The following RIN2 variants were observed in gnomAD, a reference collection of about 807,000 sequenced individuals.
RIN2 encodes Ras and Rab interactor 2, also known as RAB5 interacting protein 2.
Under a neutral mutation model 78.0 loss-of-function variants are expected in RIN2, and 36 were observed. The ratio of observed to expected loss-of-function variants is 0.46; its 90% confidence interval spans 0.35 to 0.61. The LOEUF (loss-of-function observed/expected upper bound fraction) is 0.61, where lower values mean the gene tolerates loss of function less well. Ranked by LOEUF, RIN2 falls within the 20% of genes least tolerant of loss-of-function variation. The pLI, the probability that RIN2 is intolerant of heterozygous loss-of-function variation, is 0.00. For synonymous variants in RIN2, 466 were observed against 466.8 expected (o/e 1.00, Z 0.02); for missense variants, 1,087 against 1,159.7 (o/e 0.94, Z 0.91).
intron 1 of RIN2, among the ~76,000 whole-genome samples, chr20:19,771,390 T>C (rs891708027): frequency 2.0e-5 from 3 of 152,232 alleles, no homozygotes; most frequent in Non-Finnish European, 4.4e-5. Flanking sequence ...ATATGTTTCA[T>C]AATATATCAC....
At chr20:19,941,698 A>G (rs1187013384) in intron 4 of RIN2, among the ~76,000 whole-genome samples, 1 of 152,178 alleles carries the variant, frequency 6.6e-6, no homozygotes. Context: ...CCAATCCCCT[A>G]GAATATTTCC....
At chr20:19,900,845 G>A (rs1373591785) in intron 3 of RIN2, among the ~76,000 whole-genome samples, 1 of 150,354 alleles carries the variant, frequency 6.7e-6, no homozygotes, top group East Asian at 2.0e-4. Flanking sequence ...AGCTACTTGG[G>A]AGGCTGAGGC....
rs572628882 is a variant in RIN2 at position 19,854,912 on chromosome 20, G to C, written c.-36-34654G>C. 2.5e-3 allele frequency among the ~76,000 whole-genome samples: 378 copies of C among 152,212 alleles called. 1 individual carries two copies. The highest frequency in any genetic ancestry group is 8.3e-3 in the African/African-American group (345 of 41,530). On this transcript the variant is annotated intron_variant, in intron 2 of 12. Coordinates refer to ENST00000255006, the MANE Select transcript of RIN2 (RefSeq NM_018993.4). ...GATTGCCCTGGCCAGAACTTCCAAG[G>C]CTATGTTGAATAGGAGTGGTGAGAG...
rs895518564 is a variant in RIN2, at chr20:19,937,351, C to T, written c.158+2152C>T. 3.9e-5 allele frequency among the ~76,000 whole-genome samples: 6 copies of T among 152,142 alleles called. No homozygotes were observed. In the East Asian group the frequency reaches 7.7e-4, roughly 20 times the overall value. ...CCCTGGAGAAAGAAGTGGCGAGCAC[C>T]GCCCGGGCCCCTGGCTCTGCACGTC... On this transcript the variant is annotated intron_variant, in intron 4 of 12. Transcript: ENST00000255006.
chr20:19,861,595 T>C (rs1037885532), intron 2 of RIN2, among the ~76,000 whole-genome samples: 8 of 151,426 alleles, frequency 5.3e-5, no homozygotes, highest in Admixed American at 4.6e-4. Context: ...CCATATCTGG[T>C]GATCACCCTC....
chr20:19,923,909 A>T (rs2040036787), intron 3 of RIN2, among the ~76,000 whole-genome samples: 1 of 151,960 alleles, frequency 6.6e-6, no homozygotes, highest in African/African-American at 2.4e-5. Flanking sequence ...AATTGAATAA[A>T]TGCTGTTGAG....
intron 7 of RIN2, among the ~76,000 whole-genome samples, chr20:19,967,199 A>G (rs2041967431): frequency 2.0e-5 from 3 of 152,246 alleles, no homozygotes; most frequent in African/African-American, 4.8e-5. Flanking sequence ...ATGCAAGGAG[A>G]TAAAGTATAT....
intron 3 of RIN2, among the ~76,000 whole-genome samples, chr20:19,926,562 A>G (rs1416969766): frequency 6.6e-6 from 1 of 152,046 alleles, no homozygotes; most frequent in African/African-American, 2.4e-5. Flanking sequence ...CTCCTCAGCC[A>G]AGCAGAAGCA....
chr20:19,943,234 C>CT (rs1406738252), intron 4 of RIN2, among the ~76,000 whole-genome samples: 1 of 152,202 alleles, frequency 6.6e-6, no homozygotes, highest in Non-Finnish European at 1.5e-5. Context: ...CGCTCTGTAT[C>CT]TGGCCTTCTC....
At chr20:19,931,141 A>G (rs2040423998) in intron 3 of RIN2, among the ~76,000 whole-genome samples, 1 of 152,152 alleles carries the variant, frequency 6.6e-6, no homozygotes, top group Non-Finnish European at 1.5e-5. Flanking sequence ...ACCTGTGAAC[A>G]CTTTCATCCA....
At chr20:19,932,844 G>A (rs1254326730) in intron 3 of RIN2, among the ~76,000 whole-genome samples, 2 of 152,106 alleles carry the variant, frequency 1.3e-5, no homozygotes, top group Non-Finnish European at 2.9e-5. Flanking sequence ...AATTTAATCT[G>A]CCCGAAGTTC....
intron 2 of RIN2, among the ~76,000 whole-genome samples, chr20:19,823,184 A>G (rs2035980200): frequency 6.6e-6 from 1 of 152,200 alleles, no homozygotes; most frequent in African/African-American, 2.4e-5. Context: ...GTAGAGCCAT[A>G]GCAAGGAGAC....
In RIN2 at chr20:19,781,104, T is replaced by C. The variant is rs190983480; in HGVS notation, c.-162-18518T>C. ...ATCATGTCATCTGGAACATATAGTT[T>C]ACAAGGCTATTGCAGAAAGGGAGAG... On this transcript the variant is annotated intron_variant, in intron 1 of 12. Transcript: ENST00000255006. 4.6e-5 allele frequency among the ~76,000 whole-genome samples: 7 copies of C among 152,250 alleles called. No homozygotes were observed. The East Asian group carries it at 1.4e-3, about 29-fold the overall frequency.
intron 2 of RIN2, among the ~76,000 whole-genome samples, chr20:19,829,333 T>C (rs1172367106): frequency 1.3e-5 from 2 of 151,832 alleles, no homozygotes; most frequent in African/African-American, 4.8e-5. Flanking sequence ...TTTGGGGGCA[T>C]GATAGGAGAT....
intron 9 of RIN2, among the ~76,000 whole-genome samples, chr20:19,980,527 G>A (rs6046503): frequency 1.4e-3 from 219 of 152,258 alleles, no homozygotes; most frequent in African/African-American, 4.9e-3. Flanking sequence ...TAAGTCACAC[G>A]AAGATGTCTG....
chr20:19,962,285 T>G (rs1305954274), intron 6 of RIN2, among the ~76,000 whole-genome samples: 1 of 149,584 alleles, frequency 6.7e-6, no homozygotes, highest in Non-Finnish European at 1.5e-5. Flanking sequence ...GACCGTGTCT[T>G]AAAAATGAAA....
chr20:19,886,644 C>G, intron 2 of RIN2: 1 of 705,004 alleles, frequency 1.4e-6, no homozygotes, highest in Non-Finnish European at 2.2e-6. Flanking sequence ...TAGCTTTTAG[C>G]TAGTATCTGG....
intron 3 of RIN2, among the ~76,000 whole-genome samples, chr20:19,907,926 T>C (rs2039287693): frequency 6.6e-6 from 1 of 152,168 alleles, no homozygotes; most frequent in Admixed American, 6.5e-5. Flanking sequence ...CCCTGTCCTA[T>C]GGTGCTAAGA....
At chr20:19,904,870 A>G (rs80329781) in intron 3 of RIN2, among the ~76,000 whole-genome samples, 1 of 152,234 alleles carries the variant, frequency 6.6e-6, no homozygotes, top group East Asian at 1.9e-4. Flanking sequence ...AGGAGGCCAG[A>G]GCCAGCCTCC....
Sources: allele counts gnomAD v4.1 joint callset (sites outside exome capture counted in the v4.1 genomes callset), GRCh38; gene constraint gnomAD v4.1.1; transcripts MANE v1.5; gene names NCBI Gene and HGNC (gene_info 2026-07-23, HGNC 2026-07-21).